The following INPP4B variants were observed in gnomAD, a reference collection of about 807,000 sequenced individuals.
INPP4B encodes inositol polyphosphate-4-phosphatase type II B.
A neutral mutation model predicts 122.5 loss-of-function variants in INPP4B; 55 were observed. The ratio of observed to expected loss-of-function variants is 0.45; its 90% CI spans 0.36 to 0.56. INPP4B has a LOEUF of 0.56. Ranked by LOEUF, INPP4B falls within the 20% of genes least tolerant of loss-of-function variation. The pLI is 0.00. For missense variants in INPP4B, 1,000 were observed against 1,097.7 expected, an observed-to-expected ratio of 0.91 and a Z score of 1.26; for synonymous variants, 403 against 388.7, an observed-to-expected ratio of 1.04 and a Z score of -0.43.
chr4:142,334,409 G>A (rs1334850120), intron 7 of INPP4B, among the ~76,000 whole-genome samples: 1 of 152,150 alleles, frequency 6.6e-6, no homozygotes, highest in African/African-American at 2.4e-5. Flanking sequence ...ATGCTGCAAT[G>A]AACATGGGCA....
At chr4:142,107,176 A>G (rs1037929298) in intron 23 of INPP4B, among the ~76,000 whole-genome samples, 5 of 152,116 alleles carry the variant, frequency 3.3e-5, no homozygotes, top group Non-Finnish European at 7.4e-5. Flanking sequence ...CTATCCACAC[A>G]TGGGCACGCA....
intron 25 of INPP4B, among the ~76,000 whole-genome samples, chr4:142,062,771 AAACAGACAAACAAACAC>A (rs1761690827): frequency 7.1e-6 from 1 of 141,662 alleles, no homozygotes; most frequent in Admixed American, 6.8e-5. Flanking sequence ...ACAAACAAAC[AAACAGACAAACAAACAC>A]AAAAAAACTT....
intron 1 of INPP4B, among the ~76,000 whole-genome samples, chr4:142,831,862 AT>A (rs1439238217): frequency 6.6e-6 from 1 of 152,070 alleles, no homozygotes; most frequent in African/African-American, 2.4e-5. Flanking sequence ...AGGTGTACTT[AT>A]TTTTTTCCTA....
chr4:142,709,179 A>G (rs1762818734), intron 2 of INPP4B, among the ~76,000 whole-genome samples: 1 of 152,154 alleles, frequency 6.6e-6, no homozygotes, highest in African/African-American at 2.4e-5. Context: ...CATTTATCCA[A>G]TGCCTATACT....
chr4:142,050,016 C>T (rs758299065), intron 25 of INPP4B, among the ~76,000 whole-genome samples: 9 of 151,940 alleles, frequency 5.9e-5, no homozygotes, highest in Non-Finnish European at 8.8e-5. Flanking sequence ...TTCTTATCCA[C>T]GTAAAATACC....
At chr4:142,819,748 T>G (rs921605484) in intron 1 of INPP4B, among the ~76,000 whole-genome samples, 3 of 152,040 alleles carry the variant, frequency 2.0e-5, no homozygotes, top group African/African-American at 7.2e-5. Context: ...CCAGTGCCAA[T>G]AGGGGGCCAC....
chr4:142,477,566 TA>T (rs1265453216), intron 2 of INPP4B, among the ~76,000 whole-genome samples: 3 of 151,670 alleles, frequency 2.0e-5, no homozygotes, highest in African/African-American at 7.3e-5. Context: ...AAGATCCAAA[TA>T]AAGACAATAA....
chr4:142,661,566 A>G (rs542385542), intron 2 of INPP4B, among the ~76,000 whole-genome samples: 19 of 152,366 alleles, frequency 1.2e-4, no homozygotes, highest in African/African-American at 4.6e-4. Context: ...TGTATCTTTT[A>G]TAATAGTTAA....
chr4:142,329,420 C>T (rs1267789610), intron 7 of INPP4B, among the ~76,000 whole-genome samples: 1 of 152,130 alleles, frequency 6.6e-6, no homozygotes, highest in Non-Finnish European at 1.5e-5. Context: ...AAAGGCAGGG[C>T]TCTGGGAACA....
chr4:142,528,759 CTCT>C (rs1827236861), intron 2 of INPP4B, among the ~76,000 whole-genome samples: 1 of 152,056 alleles, frequency 6.6e-6, no homozygotes, highest in Non-Finnish European at 1.5e-5. Flanking sequence ...GAACTAGCTG[CTCT>C]TCTTATTTAA....
intron 18 of INPP4B, among the ~76,000 whole-genome samples, chr4:142,126,996 C>G (rs1798904162): frequency 6.6e-6 from 1 of 152,076 alleles, no homozygotes; most frequent in Non-Finnish European, 1.5e-5. Context: ...AGACTGAAAA[C>G]TGCTTTTGTT....
intron 2 of INPP4B, among the ~76,000 whole-genome samples, chr4:142,537,429 T>TATATATAGAGAGAG (rs1200701380): frequency 1.2e-3 from 30 of 25,476 alleles, no homozygotes; most frequent in Non-Finnish European, 1.8e-3. Flanking sequence ...TATATATATA[T>TATATATAGAGAGAG]AGAGAGAGAG....
intron 19 of INPP4B, 124 bp from the exon 20 acceptor site, chr4:142,123,539 C>G: frequency 1.1e-6 from 1 of 879,538 alleles, no homozygotes; most frequent in Non-Finnish European, 1.7e-6. Flanking sequence ...AAAACTACAA[C>G]TATTTGGTAG....
At chr4:142,086,045 A>G (rs1776568787) in intron 24 of INPP4B, 99 bp downstream of exon 24, 1 of 779,380 alleles carries the variant, frequency 1.3e-6, no homozygotes, top group Non-Finnish European at 2.2e-6. Flanking sequence ...GACACCTGGC[A>G]ACCCAAAGTG....
At chr4:142,334,283 T>C (rs1775756445) in intron 7 of INPP4B, among the ~76,000 whole-genome samples, 1 of 152,220 alleles carries the variant, frequency 6.6e-6, no homozygotes, top group African/African-American at 2.4e-5. Context: ...CAAATACATA[T>C]ACTTGTATGT....
intron 8 of INPP4B, among the ~76,000 whole-genome samples, chr4:142,312,101 C>A (rs1765727773): frequency 2.0e-5 from 3 of 152,184 alleles, no homozygotes; most frequent in Admixed American, 2.0e-4. Flanking sequence ...ATTGAGATTT[C>A]TCTTTTAGTC....
intron 7 of INPP4B, among the ~76,000 whole-genome samples, chr4:142,372,160 G>A (rs185578303): frequency 3.2e-4 from 49 of 152,088 alleles, no homozygotes; most frequent in Non-Finnish European, 6.5e-4. Context: ...AGGTCATTAC[G>A]TTAAATGAAA....
chr4:142,537,429 T>TATAG (rs1200701380), intron 2 of INPP4B, among the ~76,000 whole-genome samples: 26 of 25,488 alleles, frequency 1.0e-3, no homozygotes, highest in African/African-American at 1.5e-3. Flanking sequence ...TATATATATA[T>TATAG]AGAGAGAGAG....
intron 2 of INPP4B, among the ~76,000 whole-genome samples, chr4:142,716,917 G>A (rs1422802273): frequency 6.6e-6 from 1 of 152,124 alleles, no homozygotes; most frequent in Non-Finnish European, 1.5e-5. Flanking sequence ...CCAACATGAG[G>A]ATAAGGTATT....
Sources: gnomAD v4.1 joint callset for allele counts (sites outside exome capture counted in the v4.1 genomes callset) on GRCh38, gnomAD v4.1.1 for gene constraint, MANE v1.5 for transcripts, NCBI Gene and HGNC (gene_info 2026-07-23, HGNC 2026-07-21) for gene names.